The following GAK variants were observed in gnomAD, a reference collection of about 807,000 sequenced individuals.
GAK encodes cyclin G associated kinase, also known as cyclin-G-associated kinase.
GAK carries 79 observed loss-of-function variants against 143.9 expected under a neutral mutation model. That is an observed-to-expected ratio of 0.55 (90% CI 0.46 to 0.66). GAK has a LOEUF of 0.66. Ranked by LOEUF, GAK falls within the 30% of genes least tolerant of loss-of-function variation. The pLI is 0.00. For missense variants in GAK, 1,693 were observed against 1,779.7 expected (o/e 0.95, Z 0.88); for synonymous variants, 881 against 765.5 (o/e 1.15, Z -2.49).
At chr4:917,304 C>T (rs1177058677) in intron 1 of GAK, among the ~76,000 whole-genome samples, 1 of 149,264 alleles carries the variant, frequency 6.7e-6, no homozygotes, top group Non-Finnish European at 1.5e-5. Context: ...GCAAATGAAT[C>T]TATAGTAACA....
intron 11 of GAK, chr4:886,421 A>T (rs1716340122): frequency 6.6e-6 from 1 of 152,118 alleles, no homozygotes; most frequent in Non-Finnish European, 1.5e-5. Context: ...GCTGCTGGGG[A>T]GGGAGCGTGG....
At position 870,922 on chromosome 4, in the gene GAK, C is replaced by T. The variant is rs552982823; in HGVS notation, c.2055-18G>A. On this transcript the variant is annotated intron_variant, in intron 18 of 27. Transcript: ENST00000314167. Reference sequence around the variant, plus strand: ...GGTCATACCTGCGGTTACAAGTAGACACCACTTAGGAAGGCCACCCAAGTA... The same window carrying T: ...GGTCATACCTGCGGTTACAAGTAGATACCACTTAGGAAGGCCACCCAAGTA... 1.3e-5 allele frequency: 21 copies of T among 1,597,052 alleles called. No individual in the cohort carries two copies. The highest frequency in any genetic ancestry group is 4.5e-5 in the East Asian group (2 of 44,520).
Position 882,191 on chromosome 4 carries a change from T to C in GAK, c.1528-151A>G, listed in dbSNP as rs1577144904. On this transcript the variant is annotated intron_variant, in intron 14 of 27. Coordinates refer to ENST00000314167, the MANE Select transcript of GAK (RefSeq NM_005255.4). ...GATATGTTTAGGGAGCTACATAACG[T>C]GCCTGCCGAGGCAAGAATGGAGCCC... 16 of 893,406 alleles carry C rather than the reference T, an allele frequency of 1.8e-5. 1 individual carries two copies. In the East Asian group the frequency reaches 4.0e-4, roughly 22 times the overall value. 55.3% of individuals were successfully genotyped at this position (893,406 alleles called of 1,614,324 possible). A position where few individuals can be genotyped will look rare whatever the true frequency, so the allele number is the denominator to read the frequency against.
rs373738486 is a variant in GAK at position 877,308 on chromosome 4, G to A, written c.1857-101C>T. ...GAGAAATTGTCCACTTAGCTAAAAT[G>A]TGTAATAACCAATAAAGAATAACCC... On this transcript the variant is annotated intron_variant, in intron 16 of 27. Transcript: ENST00000314167. 2.3e-4 allele frequency: 189 copies of A among 828,584 alleles called. 1 individual carries two copies. In the African/African-American group the frequency reaches 2.8e-3, roughly 12 times the overall value. The allele number at this position is 828,584 out of a possible 1,614,324, so 51.3% of individuals were successfully genotyped here.
At chr4:854,569 A>T (rs1748794508) in intron 24 of GAK, among the ~76,000 whole-genome samples, 1 of 152,164 alleles carries the variant, frequency 6.6e-6, no homozygotes, top group South Asian at 2.1e-4. Context: ...GCTCCAGACC[A>T]TCTGATGAAC....
chr4:880,748 GA>G (rs1344608852), intron 15 of GAK, among the ~76,000 whole-genome samples: 1 of 152,230 alleles, frequency 6.6e-6, no homozygotes, highest in Non-Finnish European at 1.5e-5. Flanking sequence ...AAAAGGCCAT[GA>G]ACTTGAAGCT....
Position 921,797 on chromosome 4 carries a change from C to T in GAK, c.146-8129G>A, listed in dbSNP as rs1036623113. Among the ~76,000 whole-genome samples the T allele has an allele frequency of 3.7e-4, 56 of 151,274 alleles. 1 individual carries two copies. Among genetic ancestry groups the T allele is most frequent in the Admixed American group, 3.5e-3 (53 of 15,188 alleles). ...CAGATACTTGAAAACCCCATGTCTA[C>T]GAAGGACTTAAATCTACAATAAAGA... On this transcript the variant is annotated intron_variant, in intron 1 of 27. Transcript: ENST00000314167.
chr4:912,897 G>A, intron 2 of GAK, 103 bp from the exon 3 acceptor site: 1 of 962,184 alleles, frequency 1.0e-6, no homozygotes, highest in Admixed American at 1.9e-5. Context: ...GCAATGCAAT[G>A]TGTCTAATAC....
At chr4:865,634 C>A (rs1237718638) in intron 22 of GAK, among the ~76,000 whole-genome samples, 1 of 152,240 alleles carries the variant, frequency 6.6e-6, no homozygotes, top group Admixed American at 6.5e-5. Context: ...AGACAGAGGG[C>A]CCAGCAGGTC....
chr4:903,774 G>A (rs190755723), intron 5 of GAK, among the ~76,000 whole-genome samples: 101 of 151,994 alleles, frequency 6.6e-4, no homozygotes, highest in African/African-American at 2.1e-3. Flanking sequence ...CACCACCGGC[G>A]GGCACCCTCG....
chr4:893,502 C>T lies in GAK; in HGVS notation c.878-13G>A. The T allele has an allele frequency of 6.5e-7, 1 of 1,545,842 alleles. No homozygotes were observed. The highest frequency in any genetic ancestry group is 1.2e-5 in the South Asian group (1 of 83,148). ...TGCAGCATGGCGCCTGCAGCAGAAG[C>T]ACAGCGCGCTCGGCCCCACGGTTCC... On this transcript the variant is annotated splice_polypyrimidine_tract_variant and intron_variant, in intron 8 of 27. Coordinates refer to ENST00000314167, the MANE Select transcript of GAK (RefSeq NM_005255.4).
At chr4:890,720 C>T (rs1311328593) in intron 9 of GAK, 98 bp from the exon 10 acceptor site, 9 of 876,780 alleles carry the variant, frequency 1.0e-5, no homozygotes, top group Non-Finnish European at 1.3e-5. Context: ...CAGAGCCCAT[C>T]CTTCTGCCCC....
intron 5 of GAK, among the ~76,000 whole-genome samples, chr4:904,424 G>T (rs368887902): frequency 6.6e-6 from 1 of 151,242 alleles, no homozygotes; most frequent in Non-Finnish European, 1.5e-5. Flanking sequence ...GATGATGGGC[G>T]GCTCCTAACC....
chr4:905,203 C>T lies in GAK; in HGVS notation c.383-424G>A, dbSNP rs151033260. Among the ~76,000 whole-genome samples, 67 of 152,238 alleles carry T rather than the reference C, an allele frequency of 4.4e-4. No individual in the cohort carries two copies. The East Asian group carries it at 8.1e-3, about 18-fold the overall frequency. ...AGATTCTGCATCTGGGCCCTTGAGC[C>T]GCTGCTTGGGCCACCCCCACACCGT... On this transcript the variant is annotated intron_variant, in intron 4 of 27. Coordinates refer to ENST00000314167, the MANE Select transcript of GAK (RefSeq NM_005255.4).
At chr4:917,923 C>G (rs1723326600) in intron 1 of GAK, among the ~76,000 whole-genome samples, 1 of 152,180 alleles carries the variant, frequency 6.6e-6, no homozygotes, top group Admixed American at 6.5e-5. Context: ...TTACATCAAA[C>G]ACTTAAGGAA....
At chr4:896,364 GGCCA>G (rs1329010818) in intron 7 of GAK, 92 bp downstream of exon 7, 7 of 898,966 alleles carry the variant, frequency 7.8e-6, no homozygotes, top group Non-Finnish European at 1.3e-5. Flanking sequence ...GGAGGAGGCA[GGCCA>G]GTTCCGAGTG....
intron 11 of GAK, 141 bp from the exon 12 acceptor site, chr4:884,227 G>A (rs1416508195): frequency 3.0e-6 from 2 of 671,464 alleles, no homozygotes; most frequent in Non-Finnish European, 5.2e-6. Context: ...ACGTGTGTGT[G>A]CACAGGCGTG....
At chr4:896,754 A>T (rs1204213895) in intron 6 of GAK, among the ~76,000 whole-genome samples, 1 of 152,222 alleles carries the variant, frequency 6.6e-6, no homozygotes, top group Non-Finnish European at 1.5e-5. Flanking sequence ...GCTCCTTACG[A>T]TGAGGACTGA....
At chr4:880,935 C>T (rs1577139039) in intron 15 of GAK, among the ~76,000 whole-genome samples, 1 of 152,324 alleles carries the variant, frequency 6.6e-6, no homozygotes, top group South Asian at 2.1e-4. Flanking sequence ...CCTGGGGGTG[C>T]CAATGGCTTT....
Sources: gnomAD v4.1 joint callset for allele counts (sites outside exome capture counted in the v4.1 genomes callset) on GRCh38, gnomAD v4.1.1 for gene constraint, MANE v1.5 for transcripts, NCBI Gene and HGNC (gene_info 2026-07-23, HGNC 2026-07-21) for gene names.